The following NEK10 variants were observed in gnomAD, a reference collection of about 807,000 sequenced individuals.
NEK10 encodes the protein serine/threonine-protein kinase Nek10.
Under a neutral mutation model 159.8 loss-of-function variants are expected in NEK10, and 122 were observed. The ratio of observed to expected loss-of-function variants is 0.76; its 90% CI spans 0.66 to 0.89. The LOEUF (loss-of-function observed/expected upper bound fraction) is 0.89. Among genes scored for constraint, NEK10 ranks in the 40% least tolerant of loss-of-function variants. The pLI, the probability that NEK10 is intolerant of heterozygous loss-of-function variation, is 0.00. For synonymous variants in NEK10, 466 were observed against 457.1 expected (o/e 1.02, Z -0.25); for missense variants, 1,342 against 1,323.1 (o/e 1.01, Z -0.22).
At position 27,253,963 on chromosome 3, in the gene NEK10, G is replaced by T. The variant is rs1320027129; in HGVS notation, c.2090+2333C>A. On this transcript the variant is annotated intron_variant, in intron 23 of 35. Transcript: ENST00000691995. ...CTGGAATGCCCCAGCCCACGCCCTG[G>T]CATGCCATAAGCACCTGGGCATAAG... Among the ~76,000 whole-genome samples, 4 of 152,160 alleles carry T rather than the reference G, an allele frequency of 2.6e-5. No homozygotes were observed. The East Asian group carries it at 5.8e-4, about 22-fold the overall frequency.
intron 26 of NEK10, among the ~76,000 whole-genome samples, chr3:27,177,622 T>C (rs1947655033): frequency 6.6e-6 from 1 of 152,178 alleles, no homozygotes; most frequent in Admixed American, 6.5e-5. Context: ...TGATATAATT[T>C]TTGACCTTGC....
chr3:27,294,739 T>C (rs1298792854), intron 15 of NEK10, among the ~76,000 whole-genome samples: 2 of 152,110 alleles, frequency 1.3e-5, no homozygotes, highest in African/African-American at 4.8e-5. Flanking sequence ...AGACAAAGGT[T>C]GTTTCTTTCT....
In NEK10 at chr3:27,132,009, C is replaced by G. The variant is rs1425447908; in HGVS notation, c.2971-19G>C. ...GAGGAAGCTGCATAAAATAAGAAAA[C>G]AATCATTATAAACAAATTGTTAACA... is the stretch of plus-strand genomic sequence containing the variant. On this transcript the variant is annotated intron_variant, in intron 31 of 35. Coordinates refer to ENST00000691995, the MANE Select transcript of NEK10 (RefSeq NM_001394966.1). 7 of 1,426,400 alleles carry G rather than the reference C, an allele frequency of 4.9e-6. No individual in the cohort carries two copies. The highest frequency in any genetic ancestry group is 2.0e-6 in the Non-Finnish European group (2 of 1,013,972). The allele number at this position is 1,426,400 out of a possible 1,614,324, so 88.4% of individuals were successfully genotyped here.
At chr3:27,170,499 A>C (rs1292407019) in intron 29 of NEK10, among the ~76,000 whole-genome samples, 2 of 152,218 alleles carry the variant, frequency 1.3e-5, no homozygotes, top group East Asian at 3.9e-4. Flanking sequence ...TGGGAGGCTA[A>C]GGTGGGTGGA....
At chr3:27,270,066 G>A (rs1181743877) in intron 22 of NEK10, among the ~76,000 whole-genome samples, 1 of 152,130 alleles carries the variant, frequency 6.6e-6, no homozygotes, top group East Asian at 1.9e-4. Context: ...TCTTATGTGT[G>A]GATGAGACTT....
intron 23 of NEK10, chr3:27,252,226 A>C (rs1261687408): frequency 9.9e-6 from 5 of 503,628 alleles, no homozygotes; most frequent in Non-Finnish European, 2.0e-5. Context: ...TAGAGGCAAG[A>C]CTATGAAAAA....
chr3:27,338,633 ATAATAT>A (rs1180728871), intron 5 of NEK10, among the ~76,000 whole-genome samples: 2 of 152,166 alleles, frequency 1.3e-5, no homozygotes, highest in Non-Finnish European at 2.9e-5. Flanking sequence ...CTGGCGTGAG[ATAATAT>A]CTCATTGTGG....
intron 26 of NEK10, among the ~76,000 whole-genome samples, chr3:27,177,106 T>C (rs1458985655): frequency 6.6e-6 from 1 of 152,198 alleles, no homozygotes; most frequent in African/African-American, 2.4e-5. Flanking sequence ...AATAGTCACT[T>C]GTAACTGCCA....
intron 30 of NEK10, among the ~76,000 whole-genome samples, chr3:27,151,693 G>A (rs1323910423): frequency 6.6e-6 from 1 of 152,200 alleles, no homozygotes; most frequent in African/African-American, 2.4e-5. Context: ...CAGGAGGTTA[G>A]TTACTTAGCT....
Position 27,304,916 on chromosome 3 carries a change from C to T in NEK10, c.859G>A (p.Val287Met), listed in dbSNP as rs1292250548. 1.9e-6 allele frequency: 3 copies of T among 1,613,570 alleles called. No homozygotes were observed. The South Asian group carries it at 3.3e-5, about 18-fold the overall frequency. Residue 287 changes from valine to methionine, a missense_variant, in exon 12 of 36, where the codon GTG (valine) becomes ATG (methionine). Coordinates refer to ENST00000691995, the MANE Select transcript of NEK10 (RefSeq NM_001394966.1). ...ACCGGTATCCCCTCATAGAGCTTCA[C>T]CTGCTCTTTCACCTGGGGCTCTGCA... ...LCAEPQVKEQ[V>M]KLYEGIPVLL...
At chr3:27,189,573 G>GA (rs1286589723) in intron 26 of NEK10, among the ~76,000 whole-genome samples, 1 of 151,714 alleles carries the variant, frequency 6.6e-6, no homozygotes, top group Non-Finnish European at 1.5e-5. Context: ...TACTGCTTAA[G>GA]AAAAAAAGAG....
chr3:27,128,539 G>C (rs1005030991), intron 32 of NEK10, among the ~76,000 whole-genome samples: 2 of 151,946 alleles, frequency 1.3e-5, no homozygotes, highest in Non-Finnish European at 2.9e-5. Flanking sequence ...AATTCATAAA[G>C]GAAAGGCAGA....
intron 5 of NEK10, among the ~76,000 whole-genome samples, chr3:27,342,023 G>A (rs1266711121): frequency 2.6e-5 from 4 of 151,006 alleles, no homozygotes; most frequent in Non-Finnish European, 5.9e-5. Context: ...TGTATATTTA[G>A]TACATTTTCC....
In NEK10 at chr3:27,311,025, G is replaced by T. The variant is rs367685806; in HGVS notation, c.569-9C>A. 1 of 1,591,322 alleles carries T rather than the reference G, an allele frequency of 6.3e-7. No homozygotes were observed. On this transcript the variant is annotated splice_polypyrimidine_tract_variant and intron_variant, in intron 8 of 35. Transcript: ENST00000691995. Reference sequence around the variant, plus strand: ...AAGTTTTTGAAAAATATCTATAAAGGAAAGAAAGAGCGCAAAGAGGCATCC... The same window carrying T: ...AAGTTTTTGAAAAATATCTATAAAGTAAAGAAAGAGCGCAAAGAGGCATCC...
intron 31 of NEK10, among the ~76,000 whole-genome samples, chr3:27,132,724 T>A (rs1389948148): frequency 6.6e-6 from 1 of 152,012 alleles, no homozygotes; most frequent in Non-Finnish European, 1.5e-5. Context: ...TGAAGTGACA[T>A]TTAGAAGAAG....
At chr3:27,200,260 C>G (rs1479717447) in intron 25 of NEK10, among the ~76,000 whole-genome samples, 1 of 152,128 alleles carries the variant, frequency 6.6e-6, no homozygotes, top group African/African-American at 2.4e-5. Context: ...GAAAGGGGTA[C>G]AGCCACAATA....
rs1042539592 is a variant in NEK10 at position 27,257,918 on chromosome 3, C to T, written c.2015-1547G>A. 2.0e-5 allele frequency among the ~76,000 whole-genome samples: 3 copies of T among 151,168 alleles called. No individual in the cohort carries two copies. The East Asian group carries it at 5.8e-4, about 29-fold the overall frequency. ...ATTCTCCTGCCTCAGCCTCCCAAGT[C>T]GCTGGGACTACAGGAGCCCGCCAGC... On this transcript the variant is annotated intron_variant, in intron 22 of 35. Coordinates refer to ENST00000691995, the MANE Select transcript of NEK10 (RefSeq NM_001394966.1).
chr3:27,333,530 G>A (rs1268416735), intron 5 of NEK10, among the ~76,000 whole-genome samples: 1 of 146,406 alleles, frequency 6.8e-6, no homozygotes, highest in Non-Finnish European at 1.5e-5. Context: ...TGGGCAACAA[G>A]AGCAAAACTC....
At chr3:27,308,185 G>T (rs763717846) in intron 10 of NEK10, among the ~76,000 whole-genome samples, 1 of 152,154 alleles carries the variant, frequency 6.6e-6, no homozygotes, top group Non-Finnish European at 1.5e-5. Context: ...TAAGTGCCGA[G>T]CCAAGGGGGA....
Sources: gnomAD v4.1 joint callset for allele counts (sites outside exome capture counted in the v4.1 genomes callset) on GRCh38, gnomAD v4.1.1 for gene constraint, MANE v1.5 for transcripts, NCBI Gene and HGNC (gene_info 2026-07-23, HGNC 2026-07-21) for gene names.